FBXL7: variants seen among roughly 807,000 people sequenced by gnomAD.
The protein encoded by FBXL7 is F-box and leucine rich repeat protein 7, also known as F-box/LRR-repeat protein 7.
A neutral mutation model predicts 38.3 loss-of-function variants in FBXL7; 12 were observed. The observed-to-expected ratio is 0.31, with a 90% CI of 0.20 to 0.51. The LOEUF (loss-of-function observed/expected upper bound fraction) is 0.51, where lower values mean the gene tolerates loss of function less well. Ranked by LOEUF, FBXL7 falls within the 20% of genes least tolerant of loss-of-function variation. The pLI is 0.98. For synonymous variants in FBXL7, 297 were observed against 300.9 expected, an observed-to-expected ratio of 0.99 and a Z score of 0.13; for missense variants, 567 against 676.4, an observed-to-expected ratio of 0.84 and a Z score of 1.79.
chr5:15,750,042 G>C (rs984971002), intron 2 of FBXL7, among the ~76,000 whole-genome samples: 1 of 152,200 alleles, frequency 6.6e-6, no homozygotes, highest in Non-Finnish European at 1.5e-5. Flanking sequence ...AGCCTGGCTT[G>C]AGTAATATCT....
chr5:15,706,293 C>G (rs1743677709), intron 2 of FBXL7, among the ~76,000 whole-genome samples: 1 of 152,092 alleles, frequency 6.6e-6, no homozygotes, highest in African/African-American at 2.4e-5. Flanking sequence ...GTGTGTGGCA[C>G]CCCGCCACCA....
rs571203223 is a variant in FBXL7, at chr5:15,591,001, C to T, written c.38-24982C>T. Among the ~76,000 whole-genome samples the T allele has an allele frequency of 1.8e-3, 277 of 152,206 alleles. 1 individual carries two copies. Among genetic ancestry groups the T allele is most frequent in the African/African-American group, 6.4e-3 (264 of 41,504 alleles). The stretch of plus-strand genomic sequence containing the variant: ...AGTTGTGTAAATAACAAGTCTAGGA[C>T]CACAAGGACCACAGCTTGCCCTTTT... On this transcript the variant is annotated intron_variant, in intron 1 of 3. Transcript: ENST00000504595.
chr5:15,705,396 A>G (rs1046859608), intron 2 of FBXL7, among the ~76,000 whole-genome samples: 2 of 152,218 alleles, frequency 1.3e-5, no homozygotes, highest in African/African-American at 4.8e-5. Context: ...TGTCCTGTAC[A>G]GCTCTGTGTC....
chr5:15,712,635 A>G (rs984044301), intron 2 of FBXL7, among the ~76,000 whole-genome samples: 4 of 152,200 alleles, frequency 2.6e-5, no homozygotes, highest in Admixed American at 6.5e-5. Flanking sequence ...GAAAATTTCT[A>G]TGGAGCCTAG....
At chr5:15,649,958 C>T (rs1442935278) in intron 2 of FBXL7, among the ~76,000 whole-genome samples, 1 of 152,046 alleles carries the variant, frequency 6.6e-6, no homozygotes, top group Middle Eastern at 3.2e-3. Context: ...TGAAGCAGTG[C>T]TCGTATTGAT....
chr5:15,928,221 C>A lies in FBXL7; in HGVS notation c.459C>A (p.Leu153=). 1 of 1,610,688 alleles carries A rather than the reference C, an allele frequency of 6.2e-7. No homozygotes were observed. Among genetic ancestry groups the A allele is most frequent in the Non-Finnish European group, 8.5e-7 (1 of 1,178,696 alleles). Residue 153 remains leucine (L), a synonymous_variant, in exon 3 of 4, where the codon CTC becomes CTA. Transcript: ENST00000504595. The surrounding 1 kb of genome is among the most constrained non-coding windows in gnomAD (Gnocchi z 4.0). ...ACAACCTGGCCTGGGACCCGCGGCT[C>A]TGGAGGACTATCCGCCTGACGGGCG... ...RWYNLAWDPR[L]WRTIRLTGET...
In FBXL7 at chr5:15,919,384, G is replaced by A. The variant is rs114050516; in HGVS notation, c.128-8506G>A. Among the ~76,000 whole-genome samples, 1,464 of 152,082 alleles carry A rather than the reference G, an allele frequency of 9.6e-3. 18 individuals carry two copies. The highest frequency in any genetic ancestry group is 0.032 in the African/African-American group (1,326 of 41,496). On this transcript the variant is annotated intron_variant, in intron 2 of 3. Transcript: ENST00000504595. Reference sequence around the variant, plus strand: ...TTGATACTATACTGTAATTACTAACGATATAAAATTTCCAAGACTTTTGAA... The same window carrying A: ...TTGATACTATACTGTAATTACTAACAATATAAAATTTCCAAGACTTTTGAA...
chr5:15,590,234 A>G (rs1739429574), intron 1 of FBXL7, among the ~76,000 whole-genome samples: 3 of 152,134 alleles, frequency 2.0e-5, no homozygotes, highest in Admixed American at 6.5e-5. Context: ...CATCTGTCCA[A>G]TCACAAATTC....
chr5:15,651,080 A>G (rs1320112874), intron 2 of FBXL7, among the ~76,000 whole-genome samples: 3 of 151,074 alleles, frequency 2.0e-5, no homozygotes, highest in African/African-American at 7.3e-5. Context: ...GCCTTACAAA[A>G]CATACTTCTT....
chr5:15,643,193 T>C (rs1196102838), intron 2 of FBXL7, among the ~76,000 whole-genome samples: 1 of 152,242 alleles, frequency 6.6e-6, no homozygotes, highest in Non-Finnish European at 1.5e-5. Flanking sequence ...GGCTTCATCA[T>C]GGAGCTGCTT....
intron 1 of FBXL7, among the ~76,000 whole-genome samples, chr5:15,544,290 C>G (rs1417285915): frequency 6.6e-6 from 1 of 152,212 alleles, no homozygotes; most frequent in East Asian, 1.9e-4. Flanking sequence ...GCTCACCCGT[C>G]CTGCATCAGT....
chr5:15,739,346 T>C (rs1285642910), intron 2 of FBXL7, among the ~76,000 whole-genome samples: 1 of 152,210 alleles, frequency 6.6e-6, no homozygotes, highest in African/African-American at 2.4e-5. Flanking sequence ...CTCAACCAGA[T>C]ATTAAGCTAT....
chr5:15,719,945 C>T lies in FBXL7; in HGVS notation c.127+103873C>T, dbSNP rs1418476358. ...ATAGCCATTCACTGACTTGTAGAGA[C>T]TTGCCAGGAGAGAAGTCTGCGTATT... On this transcript the variant is annotated intron_variant, in intron 2 of 3. Transcript: ENST00000504595. Among the ~76,000 whole-genome samples the T allele has an allele frequency of 2.7e-5, 4 of 148,794 alleles. 1 individual carries two copies. Among genetic ancestry groups the T allele is most frequent in the Non-Finnish European group, 6.0e-5 (4 of 66,590 alleles).
At chr5:15,782,086 GT>G (rs1283615592) in intron 2 of FBXL7, among the ~76,000 whole-genome samples, 1 of 152,096 alleles carries the variant, frequency 6.6e-6, no homozygotes, top group African/African-American at 2.4e-5. Context: ...GCAGTGTTTG[GT>G]TTTCTGCTCC....
At position 15,878,886 on chromosome 5, in the gene FBXL7, A is replaced by G. The variant is rs73752347; in HGVS notation, c.128-49004A>G. Among the ~76,000 whole-genome samples, 1,059 of 152,286 alleles carry G rather than the reference A, an allele frequency of 7.0e-3. 20 individuals are homozygous for G. The highest frequency in any genetic ancestry group is 0.024 in the African/African-American group (1,010 of 41,556). Reference sequence around the variant, plus strand: ...GGCTACATCTCCCCTAAGAAGGGAAAGCAGAACCCAGAGTCTCCACCAGAA... The same window carrying G: ...GGCTACATCTCCCCTAAGAAGGGAAGGCAGAACCCAGAGTCTCCACCAGAA... On this transcript the variant is annotated intron_variant, in intron 2 of 3. Transcript: ENST00000504595.
chr5:15,693,610 C>T (rs572011031), intron 2 of FBXL7, among the ~76,000 whole-genome samples: 112 of 152,240 alleles, frequency 7.4e-4, no homozygotes, highest in African/African-American at 2.5e-3. Flanking sequence ...CACTCTGGCC[C>T]GCCATGTCCC....
chr5:15,585,264 A>C (rs1358098394), intron 1 of FBXL7, among the ~76,000 whole-genome samples: 1 of 152,176 alleles, frequency 6.6e-6, no homozygotes, highest in African/African-American at 2.4e-5. Context: ...CAAACCATGA[A>C]CCTAATTGTA....
chr5:15,606,189 A>G (rs944805654), intron 1 of FBXL7, among the ~76,000 whole-genome samples: 1 of 151,824 alleles, frequency 6.6e-6, no homozygotes, highest in Non-Finnish European at 1.5e-5. Flanking sequence ...AGGTTTTTTG[A>G]TCAGTTTTCT....
At chr5:15,510,751 G>C (rs1162005795) in intron 1 of FBXL7, among the ~76,000 whole-genome samples, 1 of 152,170 alleles carries the variant, frequency 6.6e-6, no homozygotes. Flanking sequence ...CTATTGCCAA[G>C]TTTATTCCAT....
Sources: allele counts gnomAD v4.1 joint callset (sites outside exome capture counted in the v4.1 genomes callset), GRCh38; gene constraint gnomAD v4.1.1; non-coding constraint Gnocchi (gnomAD v3.1); transcripts MANE v1.5; gene names NCBI Gene and HGNC (gene_info 2026-07-23, HGNC 2026-07-21).